The following VIPR2 variants were observed in gnomAD, a reference collection of about 807,000 sequenced individuals.
The protein encoded by VIPR2 is vasoactive intestinal polypeptide receptor 2.
Under a neutral mutation model 58.0 loss-of-function variants are expected in VIPR2, and 48 were observed. The ratio of observed to expected loss-of-function variants is 0.83; its 90% confidence interval spans 0.66 to 1.05. VIPR2 has a LOEUF of 1.05. Ranked by LOEUF, VIPR2 falls within the 50% of genes least tolerant of loss-of-function variation. The probability of loss-of-function intolerance (pLI) is 0.00; values close to 1 mark genes in which losing one functional copy is unlikely to be tolerated. For synonymous variants in VIPR2, 243 were observed against 235.2 expected, an observed-to-expected ratio of 1.03 and a Z score of -0.30; for missense variants, 534 against 558.0, an observed-to-expected ratio of 0.96 and a Z score of 0.43.
At chr7:159,139,067 G>A (rs1797350062) in intron 2 of VIPR2, among the ~76,000 whole-genome samples, 1 of 152,192 alleles carries the variant, frequency 6.6e-6, no homozygotes, top group Non-Finnish European at 1.5e-5. Context: ...AGGAAAGGAA[G>A]CACATTTCCA....
intron 3 of VIPR2, among the ~76,000 whole-genome samples, chr7:159,104,079 C>T (rs961972566): frequency 2.6e-5 from 4 of 152,166 alleles, no homozygotes; most frequent in African/African-American, 4.8e-5. Flanking sequence ...TGTGAGTGAA[C>T]GCACTGTGTC....
intron 12 of VIPR2, 139 bp from the exon 13 acceptor site, chr7:159,030,928 G>T: frequency 8.3e-7 from 1 of 1,202,908 alleles, no homozygotes; most frequent in Non-Finnish European, 1.1e-6. Flanking sequence ...GACAGAAACA[G>T]AAACGGCCTT....
At chr7:159,036,077 T>C in intron 7 of VIPR2, 65 bp from the exon 8 acceptor site, 6 of 1,535,898 alleles carry the variant, frequency 3.9e-6, no homozygotes, top group Non-Finnish European at 5.3e-6. Context: ...GGTGGGTGCC[T>C]TCACCAGCAA....
At chr7:159,090,015 C>CAATCCCTA (rs1563314504) in intron 4 of VIPR2, among the ~76,000 whole-genome samples, 3 of 111,338 alleles carry the variant, frequency 2.7e-5, no homozygotes, top group Non-Finnish European at 2.0e-5. Flanking sequence ...GCTGGGATCA[C>CAATCCCTA]GCACAGGGGC....
rs1373762895 is a variant in VIPR2, at chr7:159,096,293, G to C, written c.357+7464C>G. 6.6e-6 allele frequency among the ~76,000 whole-genome samples: 1 copy of C among 152,190 alleles called. No individual in the cohort carries two copies. Among genetic ancestry groups the C allele is most frequent in the Non-Finnish European group, 1.5e-5 (1 of 68,038 alleles). ...CAGAGCCTGGTGTGCAGACCCTGCT[G>C]CCTTGGATGGTCCATCCTGGGTCAG... On this transcript the variant is annotated intron_variant, in intron 4 of 12. Coordinates refer to ENST00000262178, the MANE Select transcript of VIPR2 (RefSeq NM_003382.5). This position sits in a 1 kb window ranked among gnomAD's most constrained non-coding sequence, Gnocchi z 5.5.
At chr7:159,034,392 T>C (rs1239767532) in intron 9 of VIPR2, 88 bp from the exon 10 acceptor site, 4 of 1,369,414 alleles carry the variant, frequency 2.9e-6, no homozygotes, top group Non-Finnish European at 4.1e-6. Flanking sequence ...TCCCCTCCGC[T>C]CCCTCAGTCC....
chr7:159,031,402 G>A lies in VIPR2; in HGVS notation c.1143+426C>T. The A allele has an allele frequency of 1.0e-6, 1 of 980,348 alleles. No homozygotes were observed. The highest frequency in any genetic ancestry group is 1.2e-6 in the Non-Finnish European group (1 of 825,294). The allele number at this position is 980,348 out of a possible 1,614,324, so 60.7% of individuals were successfully genotyped here. On this transcript the variant is annotated intron_variant, in intron 12 of 12. Coordinates refer to ENST00000262178, the MANE Select transcript of VIPR2 (RefSeq NM_003382.5). This position sits in a 1 kb window ranked among gnomAD's most constrained non-coding sequence, Gnocchi z 4.0. The stretch of plus-strand genomic sequence containing the variant: ...CCTCCCTGGCTGGGAATGAACGCAG[G>A]GCAGAGCTCGGCTCCGGGCTTCCTC...
chr7:159,103,594 C>T (rs192472699), intron 4 of VIPR2, among the ~76,000 whole-genome samples, 163 bp downstream of exon 4: 10 of 152,206 alleles, frequency 6.6e-5, no homozygotes, highest in Non-Finnish European at 1.0e-4. Context: ...AGCAGCAGAA[C>T]GGAAACAGGG....
chr7:159,056,041 C>T (rs1855308794), intron 5 of VIPR2, among the ~76,000 whole-genome samples: 1 of 152,204 alleles, frequency 6.6e-6, no homozygotes, highest in Non-Finnish European at 1.5e-5. Flanking sequence ...CAGGGCTCTG[C>T]GTGCACCAGC....
Position 159,128,864 on chromosome 7 carries a change from C to G in VIPR2, c.151+13582G>C, listed in dbSNP as rs113182013. Among the ~76,000 whole-genome samples, 1 of 152,202 alleles carries G rather than the reference C, an allele frequency of 6.6e-6. No individual in the cohort carries two copies. Among genetic ancestry groups the G allele is most frequent in the Admixed American group, 6.5e-5 (1 of 15,284 alleles). The stretch of plus-strand genomic sequence containing the variant: ...CCCTCAACTGCTCCCTCCTTCCCTC[C>G]CTGCGGCTGAGCTCAGTCCTGACAC... On this transcript the variant is annotated intron_variant, in intron 2 of 12. Coordinates refer to ENST00000262178, the MANE Select transcript of VIPR2 (RefSeq NM_003382.5). This position sits in a 1 kb window ranked among gnomAD's most constrained non-coding sequence, Gnocchi z 4.1.
chr7:159,107,242 A>G (rs1260153365), intron 3 of VIPR2, among the ~76,000 whole-genome samples: 1 of 152,168 alleles, frequency 6.6e-6, no homozygotes, highest in Non-Finnish European at 1.5e-5. Flanking sequence ...TGGCTAAAAC[A>G]GTGCCATGCA....
chr7:159,040,362 C>T (rs951686060), intron 6 of VIPR2, among the ~76,000 whole-genome samples: 1 of 152,218 alleles, frequency 6.6e-6, no homozygotes, highest in Non-Finnish European at 1.5e-5. Context: ...TGTGTGAGCA[C>T]GTGAGTACGC....
intron 2 of VIPR2, among the ~76,000 whole-genome samples, chr7:159,132,924 CAGA>C (rs1797020297): frequency 7.7e-5 from 2 of 25,842 alleles, no homozygotes; most frequent in Admixed American, 3.9e-4. Context: ...AGATTGATTT[CAGA>C]CAGAATGATT....
At chr7:159,102,581 C>T (rs1455525992) in intron 4 of VIPR2, among the ~76,000 whole-genome samples, 1 of 152,186 alleles carries the variant, frequency 6.6e-6, no homozygotes, top group Non-Finnish European at 1.5e-5. Flanking sequence ...AAAGAACTGG[C>T]TTAGAGTTGT....
chr7:159,085,058 T>C (rs1001619424), intron 4 of VIPR2, among the ~76,000 whole-genome samples: 1 of 152,228 alleles, frequency 6.6e-6, no homozygotes, highest in Admixed American at 6.5e-5. Flanking sequence ...TTCAAGTTAC[T>C]GGCAAAATAT....
intron 6 of VIPR2, among the ~76,000 whole-genome samples, chr7:159,041,448 A>ACGGTCT (rs1391362221): frequency 7.7e-6 from 1 of 130,046 alleles, no homozygotes; most frequent in Admixed American, 7.8e-5. Context: ...GAGGGTCCTA[A>ACGGTCT]CGGTCTGTCA....
rs869158676 is a variant in VIPR2, at chr7:159,030,342, CAAAA to C, written c.*270_*273del. ...TGGGCGACAGAGCGAGACTCCGTCT[CAAAA>C]AAAAAAAAAAAAAAAAAAGTGGATC... is the stretch of plus-strand genomic sequence containing the variant. On this transcript the variant is annotated 3_prime_UTR_variant, in exon 13 of 13. Transcript: ENST00000262178. 3,227 of 199,190 alleles carry C rather than the reference CAAAA, an allele frequency of 0.016. No homozygotes were observed. The highest frequency in any genetic ancestry group is 0.021 in the Middle Eastern group (16 of 758). 12.3% of individuals were successfully genotyped at this position (199,190 alleles called of 1,614,324 possible).
At chr7:159,084,363 G>A (rs188098434) in intron 4 of VIPR2, among the ~76,000 whole-genome samples, 167 of 152,356 alleles carry the variant, frequency 1.1e-3, no homozygotes, top group Non-Finnish European at 2.0e-3. Flanking sequence ...GGCTGGGCAC[G>A]CTGGAGGGCA....
intron 6 of VIPR2, 147 bp from the exon 7 acceptor site, chr7:159,037,049 A>T (rs1195044282): frequency 9.7e-7 from 1 of 1,032,026 alleles, no homozygotes; most frequent in Non-Finnish European, 1.4e-6. Context: ...AGTGATTAAC[A>T]CAGAGGCCAG....
Sources: gnomAD v4.1 joint callset for allele counts (sites outside exome capture counted in the v4.1 genomes callset) on GRCh38, gnomAD v4.1.1 for gene constraint, Gnocchi (gnomAD v3.1) non-coding constraint, MANE v1.5 for transcripts, NCBI Gene and HGNC (gene_info 2026-07-23, HGNC 2026-07-21) for gene names.